Variants in BABAM2 observed in about 807,000 individuals in gnomAD.
BABAM2 encodes the protein BRISC and BRCA1-A complex member 2.
Under a neutral mutation model 54.7 loss-of-function variants are expected in BABAM2, and 31 were observed. The observed-to-expected ratio is 0.57, with a 90% CI of 0.43 to 0.77. The LOEUF is 0.77. Ranked by LOEUF, BABAM2 falls within the 30% of genes least tolerant of loss-of-function variation. The pLI is 0.00. For synonymous variants in BABAM2, 167 were observed against 162.9 expected (o/e 1.03, Z -0.19); for missense variants, 364 against 455.8 (o/e 0.80, Z 1.83).
chr2:28,062,495 G>T (rs1341229800), intron 6 of BABAM2, among the ~76,000 whole-genome samples: 2 of 150,932 alleles, frequency 1.3e-5, no homozygotes, highest in African/African-American at 4.9e-5. Flanking sequence ...CCCGGGAGGT[G>T]GAGGTTGCAG....
chr2:28,207,016 C>T (rs866989527), intron 7 of BABAM2, among the ~76,000 whole-genome samples: 1 of 152,180 alleles, frequency 6.6e-6, no homozygotes, highest in Non-Finnish European at 1.5e-5. Context: ...TCATCACAGT[C>T]TCCCTGTGAG....
intron 2 of BABAM2, among the ~76,000 whole-genome samples, chr2:27,921,298 T>C (rs904695207): frequency 1.3e-5 from 2 of 152,204 alleles, no homozygotes; most frequent in African/African-American, 4.8e-5. Flanking sequence ...ACGCATGTAA[T>C]AGAACTTCTT....
intron 6 of BABAM2, among the ~76,000 whole-genome samples, chr2:28,058,045 G>C (rs1249589981): frequency 6.6e-6 from 1 of 152,072 alleles, no homozygotes. Context: ...TTGGGAGGCT[G>C]AGGCAGGAGA....
At chr2:28,053,129 C>T (rs1678125859) in intron 6 of BABAM2, among the ~76,000 whole-genome samples, 1 of 152,082 alleles carries the variant, frequency 6.6e-6, no homozygotes, top group African/African-American at 2.4e-5. Context: ...AAGATAGAAA[C>T]ATTGAAAAGC....
intron 4 of BABAM2, among the ~76,000 whole-genome samples, chr2:28,009,177 T>C (rs888421344): frequency 2.2e-4 from 34 of 152,230 alleles, no homozygotes; most frequent in African/African-American, 7.7e-4. Flanking sequence ...TCCAAAATCA[T>C]GAATAGATTG....
intron 5 of BABAM2, among the ~76,000 whole-genome samples, chr2:28,035,275 C>T (rs72812580): frequency 0.079 from 11,957 of 151,926 alleles, 800 homozygotes; most frequent in African/African-American, 0.18. Flanking sequence ...ACTGGTCTAG[C>T]GTGATAGGAG....
intron 10 of BABAM2, among the ~76,000 whole-genome samples, chr2:28,289,784 G>C (rs1687133834): frequency 6.6e-6 from 1 of 151,878 alleles, no homozygotes; most frequent in Non-Finnish European, 1.5e-5. Flanking sequence ...GAGAGACTCT[G>C]TCTCAAAAAA....
intron 6 of BABAM2, among the ~76,000 whole-genome samples, chr2:28,062,801 A>G (rs1216900215): frequency 6.6e-6 from 1 of 152,186 alleles, no homozygotes; most frequent in Non-Finnish European, 1.5e-5. Flanking sequence ...ACTCAGGTGT[A>G]GAAATCTCAA....
rs1687046008 is a variant in BABAM2 at position 28,288,912 on chromosome 2, G to C, written c.935-9426G>C. Among the ~76,000 whole-genome samples, 5 of 151,554 alleles carry C rather than the reference G, an allele frequency of 3.3e-5. No homozygotes were observed. The South Asian group carries it at 1.0e-3, about 32-fold the overall frequency. On this transcript the variant is annotated intron_variant, in intron 10 of 11. Transcript: ENST00000379624. The stretch of plus-strand genomic sequence containing the variant: ...CTCCTTTTCCAGACCATGAGCTCAA[G>C]GGCATGGACACCCTCATTCTTCCTG...
At chr2:28,148,218 G>A (rs1671685806) in intron 7 of BABAM2, among the ~76,000 whole-genome samples, 2 of 152,166 alleles carry the variant, frequency 1.3e-5, no homozygotes, top group African/African-American at 4.8e-5. Flanking sequence ...CTTTAGGTTT[G>A]GCTCTCCCAC....
At chr2:27,984,992 A>G (rs1377834138) in intron 3 of BABAM2, among the ~76,000 whole-genome samples, 6 of 151,232 alleles carry the variant, frequency 4.0e-5, no homozygotes, top group Non-Finnish European at 8.8e-5. Context: ...ATCGTCTCCA[A>G]TTCCATCCAG....
chr2:27,892,957 T>C (rs1168710393), intron 1 of BABAM2, among the ~76,000 whole-genome samples: 2 of 152,248 alleles, frequency 1.3e-5, no homozygotes, highest in Admixed American at 6.5e-5. Flanking sequence ...CAAAGTGTTC[T>C]TATTTTTTGA....
At position 27,911,940 on chromosome 2, in the gene BABAM2, C is replaced by T. The variant is rs185051783; in HGVS notation, c.128+17256C>T. 6.6e-5 allele frequency among the ~76,000 whole-genome samples: 10 copies of T among 152,324 alleles called. No individual in the cohort carries two copies. In the East Asian group the frequency reaches 1.9e-3, roughly 29 times the overall value. ...TCTTCTTTTCACAAAACCTACACCA[C>T]TACTTTGCCTACACTATACCCACTA... On this transcript the variant is annotated intron_variant, in intron 2 of 11. Coordinates refer to ENST00000379624, the MANE Select transcript of BABAM2 (RefSeq NM_199191.3).
chr2:28,247,701 T>C (rs1174721056), intron 10 of BABAM2, among the ~76,000 whole-genome samples: 4 of 152,152 alleles, frequency 2.6e-5, no homozygotes, highest in African/African-American at 4.8e-5. Flanking sequence ...GTTCTCCCCT[T>C]CCTCCCTATT....
chr2:28,219,254 G>C (rs529031201), intron 7 of BABAM2, among the ~76,000 whole-genome samples: 1 of 152,226 alleles, frequency 6.6e-6, no homozygotes, highest in African/African-American at 2.4e-5. Context: ...GCGGAGGTCA[G>C]TTGAGCTTCT....
At chr2:28,315,421 T>TTTTTC (rs3032180) in intron 11 of BABAM2, among the ~76,000 whole-genome samples, 9,571 of 109,960 alleles carry the variant, frequency 0.087, 610 homozygotes, top group Non-Finnish European at 0.11. Context: ...GTGTGGTTCT[T>TTTTTC]TTTTCTTTTC....
chr2:28,071,860 C>A (rs1444366639), intron 6 of BABAM2, among the ~76,000 whole-genome samples: 2 of 152,156 alleles, frequency 1.3e-5, no homozygotes, highest in Admixed American at 1.3e-4. Context: ...TATTGAAATT[C>A]ATTCTCATCT....
chr2:27,891,681 T>G (rs1664858763), intron 1 of BABAM2, among the ~76,000 whole-genome samples: 1 of 149,640 alleles, frequency 6.7e-6, no homozygotes, highest in Non-Finnish European at 1.5e-5. Flanking sequence ...TTGGAGTCAT[T>G]GTGTTCCACT....
chr2:28,209,962 C>T (rs1019020145), intron 7 of BABAM2, among the ~76,000 whole-genome samples: 6 of 152,072 alleles, frequency 3.9e-5, no homozygotes, highest in African/African-American at 1.4e-4. Context: ...TAATTAGGTA[C>T]CTTACTCACA....
Sources: allele counts gnomAD v4.1 joint callset (sites outside exome capture counted in the v4.1 genomes callset), GRCh38; gene constraint gnomAD v4.1.1; transcripts MANE v1.5; gene names NCBI Gene and HGNC (gene_info 2026-07-23, HGNC 2026-07-21).